RBFOX1: variants seen among roughly 807,000 people sequenced by gnomAD.
RBFOX1 encodes RNA binding protein fox-1 homolog 1.
Under a neutral mutation model 57.7 loss-of-function variants are expected in RBFOX1, and 8 were observed. The ratio of observed to expected loss-of-function variants is 0.14; its 90% CI spans 0.08 to 0.25. The LOEUF (loss-of-function observed/expected upper bound fraction) is 0.25, where lower values mean the gene tolerates loss of function less well. Among genes scored for constraint, RBFOX1 ranks in the 10% least tolerant of loss-of-function variants. The pLI, the probability that RBFOX1 is intolerant of heterozygous loss-of-function variation, is 1.00. For synonymous variants in RBFOX1, 326 were observed against 222.4 expected (o/e 1.47, Z -4.15); for missense variants, 611 against 548.5 (o/e 1.11, Z -1.14).
At chr16:6,718,816 G>A (rs1410315813) in intron 3 of RBFOX1, among the ~76,000 whole-genome samples, 1 of 152,146 alleles carries the variant, frequency 6.6e-6, no homozygotes, top group East Asian at 1.9e-4. Context: ...CACACTGGCA[G>A]AAGAGATGTG....
At chr16:6,295,148 G>A (rs1363248934) in intron 1 of RBFOX1, among the ~76,000 whole-genome samples, 6 of 132,142 alleles carry the variant, frequency 4.5e-5, no homozygotes, top group South Asian at 5.0e-4. Flanking sequence ...TCTCTCTGTC[G>A]GAGTCTCTCT....
chr16:6,243,899 T>A (rs1442713324), intron 1 of RBFOX1, among the ~76,000 whole-genome samples: 1 of 152,170 alleles, frequency 6.6e-6, no homozygotes, highest in Non-Finnish European at 1.5e-5. Flanking sequence ...CAGAGGCCAT[T>A]GTATCAACAC....
intron 2 of RBFOX1, among the ~76,000 whole-genome samples, chr16:6,361,401 G>A (rs1339071843): frequency 5.3e-5 from 8 of 151,996 alleles, no homozygotes; most frequent in Non-Finnish European, 8.8e-5. Context: ...AGGCCGAGGC[G>A]GGTGGATCAC....
At chr16:6,876,606 C>G (rs1456399300) in intron 3 of RBFOX1, among the ~76,000 whole-genome samples, 1 of 152,052 alleles carries the variant, frequency 6.6e-6, no homozygotes, top group African/African-American at 2.4e-5. Flanking sequence ...ATGCACCATA[C>G]TAGAGTAAAA....
chr16:5,776,550 G>A (rs138649553), intron 3 of RBFOX1, among the ~76,000 whole-genome samples: 1,866 of 152,330 alleles, frequency 0.012, 13 homozygotes, highest in Non-Finnish European at 0.02. Flanking sequence ...CCACTAGTCT[G>A]CACCACGTAC....
chr16:6,299,050 C>T (rs1351207983), intron 1 of RBFOX1, among the ~76,000 whole-genome samples: 1 of 152,110 alleles, frequency 6.6e-6, no homozygotes, highest in East Asian at 1.9e-4. Context: ...ATCTCTGTTC[C>T]CAGGTAAAAG....
At position 5,537,509 on chromosome 16, in the gene RBFOX1, G is replaced by A. The variant is rs562302846; in HGVS notation, c.259-61393G>A. 3.9e-5 allele frequency among the ~76,000 whole-genome samples: 6 copies of A among 152,336 alleles called. No homozygotes were observed. In the South Asian group the frequency reaches 1.2e-3, roughly 32 times the overall value. On this transcript the variant is annotated intron_variant, in intron 2 of 2. Coordinates refer to the RBFOX1 transcript ENST00000585867. The stretch of plus-strand genomic sequence containing the variant: ...TGTTGGCAGAACTTCCTTACTGGAG[G>A]CTGGAGGGGGGAATCTGTTTCCTTG...
intron 4 of RBFOX1, among the ~76,000 whole-genome samples, chr16:7,443,536 T>A (rs944074562): frequency 6.6e-6 from 1 of 151,960 alleles, no homozygotes; most frequent in Non-Finnish European, 1.5e-5. Context: ...AACAACCTTG[T>A]TGGTGTAATA....
intron 3 of RBFOX1, among the ~76,000 whole-genome samples, chr16:6,984,797 C>T (rs1417390534): frequency 6.6e-6 from 1 of 152,108 alleles, no homozygotes; most frequent in African/African-American, 2.4e-5. Context: ...CATGCCACCA[C>T]ACCTGGCTAA....
intron 4 of RBFOX1, among the ~76,000 whole-genome samples, chr16:5,953,983 A>G (rs1478754043): frequency 6.6e-6 from 1 of 152,102 alleles, no homozygotes; most frequent in African/African-American, 2.4e-5. Context: ...ACATTTGGAA[A>G]TGTCTGGAGA....
At chr16:6,636,958 T>C (rs1165435998) in intron 2 of RBFOX1, among the ~76,000 whole-genome samples, 5 of 127,870 alleles carry the variant, frequency 3.9e-5, no homozygotes, top group Non-Finnish European at 6.3e-5. Context: ...ACATAAAATA[T>C]GTATATTATG....
intron 3 of RBFOX1, among the ~76,000 whole-genome samples, chr16:6,804,164 T>A (rs988807124): frequency 1.3e-5 from 2 of 152,026 alleles, no homozygotes; most frequent in African/African-American, 2.4e-5. Context: ...CCCGCCACCA[T>A]GCCCAGCTAA....
At chr16:7,397,647 T>C (rs1015709103) in intron 4 of RBFOX1, among the ~76,000 whole-genome samples, 7 of 152,200 alleles carry the variant, frequency 4.6e-5, no homozygotes, top group African/African-American at 1.7e-4. Flanking sequence ...TCTGAAGAAC[T>C]TGATGACACA....
intron 3 of RBFOX1, among the ~76,000 whole-genome samples, chr16:5,697,950 A>G (rs568753387): frequency 1.2e-3 from 179 of 152,298 alleles, no homozygotes; most frequent in Non-Finnish European, 1.9e-3. Flanking sequence ...TATAATGAGT[A>G]GGTATTAAGT....
intron 4 of RBFOX1, among the ~76,000 whole-genome samples, chr16:7,511,748 T>C (rs563553404): frequency 2.8e-4 from 42 of 152,306 alleles, no homozygotes; most frequent in African/African-American, 9.6e-4. Context: ...CCTGCTGTCG[T>C]TGAGTTGCTC....
chr16:5,799,064 G>T (rs2054973796), intron 3 of RBFOX1, among the ~76,000 whole-genome samples: 1 of 152,142 alleles, frequency 6.6e-6, no homozygotes. Flanking sequence ...AAGAAAAAGA[G>T]TTTTCATGGA....
At chr16:6,568,603 T>C (rs2097300519) in intron 2 of RBFOX1, among the ~76,000 whole-genome samples, 1 of 152,114 alleles carries the variant, frequency 6.6e-6, no homozygotes, top group Non-Finnish European at 1.5e-5. Flanking sequence ...GGGGATTATC[T>C]CAGGGCCATC....
intron 14 of RBFOX1, among the ~76,000 whole-genome samples, chr16:7,697,845 C>G (rs1364607165): frequency 1.3e-5 from 2 of 152,168 alleles, no homozygotes; most frequent in Non-Finnish European, 2.9e-5. Flanking sequence ...AAAGTTGTTA[C>G]TATTTGGAAG....
intron 3 of RBFOX1, among the ~76,000 whole-genome samples, chr16:5,759,223 C>T (rs1194987950): frequency 6.6e-6 from 1 of 152,222 alleles, no homozygotes; most frequent in African/African-American, 2.4e-5. Context: ...GAATCTGCAT[C>T]ATAGCCTGAG....
Sources: allele counts gnomAD v4.1 joint callset (sites outside exome capture counted in the v4.1 genomes callset), GRCh38; gene constraint gnomAD v4.1.1; transcripts MANE v1.5; gene names NCBI Gene and HGNC (gene_info 2026-07-23, HGNC 2026-07-21).